Variants in AGAP1 observed in about 807,000 individuals in gnomAD.
AGAP1 encodes the protein arf-GAP with GTPase, ANK repeat and PH domain-containing protein 1.
A neutral mutation model predicts 105.3 loss-of-function variants in AGAP1; 29 were observed. That is an observed-to-expected ratio of 0.28 (90% CI 0.21 to 0.38). AGAP1 has a LOEUF of 0.38. Ranked by LOEUF, AGAP1 falls within the 10% of genes least tolerant of loss-of-function variation. The probability of loss-of-function intolerance (pLI) is 1.00; values close to 1 mark genes in which losing one functional copy is unlikely to be tolerated. For missense variants in AGAP1, 998 were observed against 1,165.1 expected (o/e 0.86, Z 2.09); for synonymous variants, 509 against 485.9 (o/e 1.05, Z -0.63).
In AGAP1 at chr2:235,566,512, G is replaced by T. The variant is rs1944351202; in HGVS notation, c.163+71663G>T. ...GATAAGCATTCATAAACAGTGAAAA[G>T]CACAAATCATCAGTGCGCCGTACGT... On this transcript the variant is annotated intron_variant, in intron 1 of 17. Transcript: ENST00000304032. This position sits in a 1 kb window ranked among gnomAD's most constrained non-coding sequence, Gnocchi z 5.2. The T allele has an allele frequency of 1.1e-6, 1 of 913,816 alleles. No homozygotes were observed. The allele number at this position is 913,816 out of a possible 1,614,324, so 56.6% of individuals were successfully genotyped here.
At chr2:235,966,614 C>T (rs1489514331) in intron 12 of AGAP1, among the ~76,000 whole-genome samples, 1 of 152,120 alleles carries the variant, frequency 6.6e-6, no homozygotes, top group Non-Finnish European at 1.5e-5. Context: ...AGGGAACTTC[C>T]GCCTTTTGTG....
At chr2:235,858,560 C>G (rs1005028468) in intron 9 of AGAP1, among the ~76,000 whole-genome samples, 3 of 152,048 alleles carry the variant, frequency 2.0e-5, no homozygotes, top group African/African-American at 7.2e-5. Context: ...GGAAACAGAC[C>G]TTTTAACTAA....
intron 16 of AGAP1, among the ~76,000 whole-genome samples, chr2:236,100,026 C>T (rs1321325635): frequency 6.6e-6 from 1 of 152,002 alleles, no homozygotes. Flanking sequence ...AGCAATAGAG[C>T]AAGACTCCAT....
At chr2:235,852,683 C>T (rs563597291) in intron 9 of AGAP1, 5 of 1,478,208 alleles carry the variant, frequency 3.4e-6, no homozygotes, top group African/African-American at 2.8e-5. Flanking sequence ...TTTCTCTCCC[C>T]AGGGCCTGCC....
At chr2:235,583,928 A>G (rs1277515833) in intron 1 of AGAP1, among the ~76,000 whole-genome samples, 1 of 150,102 alleles carries the variant, frequency 6.7e-6, no homozygotes. Context: ...TGGTCTTTGA[A>G]CTCCTGGACT....
At chr2:235,638,698 C>T (rs1008501320) in intron 1 of AGAP1, among the ~76,000 whole-genome samples, 12 of 152,218 alleles carry the variant, frequency 7.9e-5, no homozygotes, top group African/African-American at 2.6e-4. Context: ...AGAATAATAG[C>T]GTGGTGTCCT....
rs2060083895 is a variant in AGAP1 at position 236,131,507 on chromosome 2, C to T, written c.*7385C>T. 1 of 151,818 alleles carries T rather than the reference C, an allele frequency of 6.6e-6. No homozygotes were observed. The allele number at this position is 151,818 out of a possible 1,614,324, so 9.4% of individuals were successfully genotyped here. A position where few individuals can be genotyped will look rare whatever the true frequency, so the allele number is the denominator to read the frequency against. On this transcript the variant is annotated 3_prime_UTR_variant, in exon 18 of 18. Transcript: ENST00000304032. The surrounding 1 kb of genome is among the most constrained non-coding windows in gnomAD (Gnocchi z 5.9). ...TTTAGGTTTTTTTTTTGGATGTTTT[C>T]TATTACCTCATTCAGCAACTTTATG...
intron 6 of AGAP1, among the ~76,000 whole-genome samples, chr2:235,796,749 T>G (rs533912591): frequency 1.3e-5 from 2 of 152,322 alleles, no homozygotes; most frequent in East Asian, 3.9e-4. Context: ...CAAGTTCCTT[T>G]CCGTGGACAT....
rs1490312054 is a variant in AGAP1 at position 236,124,828 on chromosome 2, A to AACT, written c.*707_*708insCTA. On this transcript the variant is annotated 3_prime_UTR_variant, in exon 18 of 18. Transcript: ENST00000304032. This position sits in a 1 kb window ranked among gnomAD's most constrained non-coding sequence, Gnocchi z 5.1. Reference sequence around the variant, plus strand: ...CACGATGTGATTGCAATACTCTTAGAAGCACCATATTATCCCAGACATGTT... The same window carrying AACT: ...CACGATGTGATTGCAATACTCTTAGAACTAGCACCATATTATCCCAGACATGTT... The AACT allele has an allele frequency of 1.3e-5, 2 of 153,398 alleles. No homozygotes were observed. Among genetic ancestry groups the AACT allele is most frequent in the Non-Finnish European group, 2.9e-5 (2 of 68,556 alleles). The allele number at this position is 153,398 out of a possible 1,614,324, so 9.5% of individuals were successfully genotyped here.
intron 6 of AGAP1, among the ~76,000 whole-genome samples, chr2:235,776,099 CCTCTT>C (rs1161945036): frequency 6.6e-6 from 1 of 152,140 alleles, no homozygotes; most frequent in Non-Finnish European, 1.5e-5. Flanking sequence ...CGTGACCCTC[CCTCTT>C]AAGAACTGAT....
At chr2:235,579,501 C>T (rs145965348) in intron 1 of AGAP1, among the ~76,000 whole-genome samples, 4 of 152,222 alleles carry the variant, frequency 2.6e-5, no homozygotes, top group East Asian at 1.9e-4. Flanking sequence ...CTTGGCCAGG[C>T]GTGGTGGCTC....
intron 9 of AGAP1, among the ~76,000 whole-genome samples, chr2:235,868,895 G>A (rs1427756482): frequency 2.0e-5 from 3 of 152,194 alleles, no homozygotes; most frequent in Admixed American, 2.0e-4. Context: ...GCAGCCAAAA[G>A]ACAATTCTAC....
Position 235,824,727 on chromosome 2 carries a change from T to C in AGAP1, c.1050+17396T>C, listed in dbSNP as rs556650205. ...ATATATTCCACATGTAGATGAGATG[T>C]GCCCTTATATGAGACGGCCTGCATT... On this transcript the variant is annotated intron_variant, in intron 9 of 17. Transcript: ENST00000304032. This position sits in a 1 kb window ranked among gnomAD's most constrained non-coding sequence, Gnocchi z 5.2. Among the ~76,000 whole-genome samples the C allele has an allele frequency of 1.4e-3, 219 of 152,302 alleles. 3 individuals are homozygous for C. Among genetic ancestry groups the C allele is most frequent in the Middle Eastern group, 0.01 (3 of 294 alleles).
At position 235,754,492 on chromosome 2, in the gene AGAP1, T is replaced by G. The variant is rs187670176; in HGVS notation, c.673+4004T>G. On this transcript the variant is annotated intron_variant, in intron 6 of 17. Coordinates refer to ENST00000304032, the MANE Select transcript of AGAP1 (RefSeq NM_001037131.3). This position sits in a 1 kb window ranked among gnomAD's most constrained non-coding sequence, Gnocchi z 4.6. Reference sequence around the variant, plus strand: ...GAGGCCATGTTCCTGATTGGCTCTGTACCGAGGTTCATTTAAAAGGCCAGG... The same window carrying G: ...GAGGCCATGTTCCTGATTGGCTCTGGACCGAGGTTCATTTAAAAGGCCAGG... Among the ~76,000 whole-genome samples the G allele has an allele frequency of 4.2e-4, 64 of 152,250 alleles. No homozygotes were observed. Among genetic ancestry groups the G allele is most frequent in the African/African-American group, 1.5e-3 (64 of 41,550 alleles).
chr2:235,594,391 T>C (rs954105423), intron 1 of AGAP1, among the ~76,000 whole-genome samples: 2 of 152,102 alleles, frequency 1.3e-5, no homozygotes, highest in African/African-American at 4.8e-5. Flanking sequence ...CCTTTCTTCC[T>C]TGAGAGGAGG....
At position 235,901,603 on chromosome 2, in the gene AGAP1, A is replaced by G. The variant is rs1022811521; in HGVS notation, c.1156-7135A>G. The stretch of plus-strand genomic sequence containing the variant: ...TTTATCTTTTTAAAAATTATGGGCC[A>G]GGTGTGGTGGCTCACACCTGTAATC... On this transcript the variant is annotated intron_variant, in intron 10 of 17. Transcript: ENST00000304032. This position sits in a 1 kb window ranked among gnomAD's most constrained non-coding sequence, Gnocchi z 4.3. 6.6e-6 allele frequency among the ~76,000 whole-genome samples: 1 copy of G among 152,188 alleles called. No homozygotes were observed. Among genetic ancestry groups the G allele is most frequent in the Admixed American group, 6.5e-5 (1 of 15,274 alleles).
rs987461043 is a variant in AGAP1, at chr2:236,003,894, A to T, written c.1646-32667A>T. ...ATATGAGAAAACCCCTAAATAATAC[A>T]TACATGGTATAGATTGATGCATAAA... On this transcript the variant is annotated intron_variant, in intron 13 of 17. Transcript: ENST00000304032. The surrounding 1 kb of genome is among the most constrained non-coding windows in gnomAD (Gnocchi z 4.2). Among the ~76,000 whole-genome samples the T allele has an allele frequency of 6.6e-6, 1 of 152,056 alleles. No homozygotes were observed. Among genetic ancestry groups the T allele is most frequent in the Non-Finnish European group, 1.5e-5 (1 of 68,010 alleles).
intron 1 of AGAP1, among the ~76,000 whole-genome samples, chr2:235,529,289 G>A (rs1407931491): frequency 6.6e-6 from 1 of 152,242 alleles, no homozygotes; most frequent in African/African-American, 2.4e-5. Context: ...GCTGATGGTT[G>A]TAATAGCCAC....
chr2:236,007,645 A>G (rs572760293), intron 13 of AGAP1, among the ~76,000 whole-genome samples: 1 of 152,376 alleles, frequency 6.6e-6, no homozygotes, highest in South Asian at 2.1e-4. Context: ...TGTGTTTAAG[A>G]AAAAAGAACC....
Sources: allele counts gnomAD v4.1 joint callset (sites outside exome capture counted in the v4.1 genomes callset), GRCh38; gene constraint gnomAD v4.1.1; non-coding constraint Gnocchi (gnomAD v3.1); transcripts MANE v1.5; gene names NCBI Gene and HGNC (gene_info 2026-07-23, HGNC 2026-07-21).